The following SLC5A12 variants were observed in gnomAD, a reference collection of about 807,000 sequenced individuals.
SLC5A12 encodes the protein solute carrier family 5 member 12.
SLC5A12 carries 46 observed loss-of-function variants against 72.7 expected under a neutral mutation model. The ratio of observed to expected loss-of-function variants is 0.63; its 90% CI spans 0.50 to 0.81. The LOEUF is 0.81. Among genes scored for constraint, SLC5A12 ranks in the 30% least tolerant of loss-of-function variants. The pLI, the probability that SLC5A12 is intolerant of heterozygous loss-of-function variation, is 0.00. For missense variants in SLC5A12, 683 were observed against 740.7 expected (o/e 0.92, Z 0.90); for synonymous variants, 275 against 264.4 (o/e 1.04, Z -0.39).
At chr11:26,680,541 A>T (rs911548343) in intron 12 of SLC5A12, among the ~76,000 whole-genome samples, 1 of 151,396 alleles carries the variant, frequency 6.6e-6, no homozygotes, top group African/African-American at 2.4e-5. Flanking sequence ...AAAGTCCACA[A>T]TCGTCTCTCT....
intron 6 of SLC5A12, among the ~76,000 whole-genome samples, chr11:26,701,946 T>A (rs1481658034): frequency 6.6e-6 from 1 of 152,148 alleles, no homozygotes; most frequent in Non-Finnish European, 1.5e-5. Flanking sequence ...AAGACACATT[T>A]CCTAACTTTC....
intron 13 of SLC5A12, among the ~76,000 whole-genome samples, chr11:26,677,374 G>A (rs1854289804): frequency 6.6e-6 from 1 of 152,162 alleles, no homozygotes. Context: ...TAATTCTGGT[G>A]CACACATGGA....
chr11:26,688,178 A>C (rs1854582696), intron 9 of SLC5A12, among the ~76,000 whole-genome samples: 1 of 152,212 alleles, frequency 6.6e-6, no homozygotes, highest in Non-Finnish European at 1.5e-5. Context: ...GTTTAGGAGA[A>C]ATTTGTGGAA....
chr11:26,689,435 C>T (rs750702017), intron 9 of SLC5A12, among the ~76,000 whole-genome samples: 10 of 151,878 alleles, frequency 6.6e-5, no homozygotes, highest in Non-Finnish European at 1.5e-4. Flanking sequence ...TGGTGTGATC[C>T]CATTTATATA....
intron 1 of SLC5A12, among the ~76,000 whole-genome samples, chr11:26,719,509 T>C (rs1019308986): frequency 6.6e-6 from 1 of 152,146 alleles, no homozygotes; most frequent in Non-Finnish European, 1.5e-5. Context: ...CTGCTGTATA[T>C]AACTGGGCAC....
At chr11:26,705,395 G>A (rs190369994) in intron 4 of SLC5A12, among the ~76,000 whole-genome samples, 189 of 152,182 alleles carry the variant, frequency 1.2e-3, no homozygotes, top group African/African-American at 4.1e-3. Context: ...ATGAAATGAC[G>A]TGGTATTTTT....
chr11:26,685,627 A>AC (rs1854513093), intron 10 of SLC5A12, among the ~76,000 whole-genome samples: 2 of 148,028 alleles, frequency 1.4e-5, no homozygotes, highest in Admixed American at 6.6e-5. Flanking sequence ...AACAAACAAA[A>AC]AAACAAAAAA....
At chr11:26,681,292 A>ACGCC in intron 11 of SLC5A12, 71 bp from the exon 12 acceptor site, 2 of 1,230,280 alleles carry the variant, frequency 1.6e-6, no homozygotes, top group Non-Finnish European at 2.2e-6. Flanking sequence ...TGAGATGAGG[A>ACGCC]GTTCTATGCC....
Position 26,721,919 on chromosome 11 carries a change from A to G in SLC5A12, c.-205T>C. On this transcript the variant is annotated 5_prime_UTR_variant, in exon 1 of 15. Transcript: ENST00000396005. ...ATCTCAAAAGTTGACTTCAAAGAAG[A>G]ATCTGGTGGTGGTATTGGCACCAAG... 1 of 565,066 alleles carries G rather than the reference A, an allele frequency of 1.8e-6. No homozygotes were observed. Among genetic ancestry groups the G allele is most frequent in the Admixed American group, 3.3e-5 (1 of 30,116 alleles). The allele number at this position is 565,066 out of a possible 1,614,324, so 35.0% of individuals were successfully genotyped here. A position where few individuals can be genotyped will look rare whatever the true frequency, so the allele number is the denominator to read the frequency against.
At chr11:26,673,128 C>A (rs531159806) in intron 14 of SLC5A12, among the ~76,000 whole-genome samples, 12 of 152,244 alleles carry the variant, frequency 7.9e-5, no homozygotes, top group Non-Finnish European at 1.8e-4. Flanking sequence ...TTTATGTCTT[C>A]CTAGAATTCA....
rs1854054909 is a variant in SLC5A12, at chr11:26,668,657, G to C, written c.*2445C>G. On this transcript the variant is annotated 3_prime_UTR_variant, in exon 15 of 15. Transcript: ENST00000396005. ...GACAGTTTCCTGTAGATTCCCATCT[G>C]CTCTCTACCTGAAACCCTAGATTTA... The C allele has an allele frequency of 6.6e-6, 1 of 151,936 alleles. No individual in the cohort carries two copies. Among genetic ancestry groups the C allele is most frequent in the Non-Finnish European group, 1.5e-5 (1 of 67,958 alleles). 9.4% of individuals were successfully genotyped at this position (151,936 alleles called of 1,614,324 possible).
intron 1 of SLC5A12, among the ~76,000 whole-genome samples, chr11:26,715,033 T>A (rs915675342): frequency 6.0e-5 from 9 of 148,838 alleles, no homozygotes; most frequent in African/African-American, 2.2e-4. Flanking sequence ...AACACTGAAA[T>A]GTCTGTGGTG....
chr11:26,686,439 C>T, intron 10 of SLC5A12, 38 bp downstream of exon 10: 1 of 1,597,978 alleles, frequency 6.3e-7, no homozygotes, highest in Non-Finnish European at 8.6e-7. Flanking sequence ...GGGGGAAGTT[C>T]CAGTGAAACC....
In SLC5A12 at chr11:26,703,792, C is replaced by G. The variant is rs1368912080; in HGVS notation, c.680+1G>C. ...GTATGAAAAAGTTGCATTGGACATA[C>G]TCAAATATATGTAGTCGAGATCCAT... is the stretch of plus-strand genomic sequence containing the variant. On this transcript the variant is annotated splice_donor_variant, in intron 5 of 14. Transcript: ENST00000396005. LOFTEE classifies it high-confidence loss of function. 6.2e-7 allele frequency: 1 copy of G among 1,613,750 alleles called. No individual in the cohort carries two copies. The highest frequency in any genetic ancestry group is 8.5e-7 in the Non-Finnish European group (1 of 1,179,788).
Position 26,678,381 on chromosome 11 carries a change from G to GT in SLC5A12, c.1579+330dup, listed in dbSNP as rs1157223842. The stretch of plus-strand genomic sequence containing the variant: ...ATATATGTTTTTTTGTTTGGTTGGG[G>GT]TTTTTTTTGGTTTTTTGAGACGGAG... On this transcript the variant is annotated intron_variant, in intron 13 of 14. Transcript: ENST00000396005. 5.0e-4 allele frequency among the ~76,000 whole-genome samples: 76 copies of GT among 151,502 alleles called. 2 individuals carry two copies. Among genetic ancestry groups the GT allele is most frequent in the East Asian group, 5.8e-4 (3 of 5,136 alleles).
Position 26,667,319 on chromosome 11 carries a change from C to A in SLC5A12, c.*3783G>T, listed in dbSNP as rs530042714. 6.6e-6 allele frequency: 1 copy of A among 151,714 alleles called. No individual in the cohort carries two copies. Among genetic ancestry groups the A allele is most frequent in the Admixed American group, 6.6e-5 (1 of 15,202 alleles). The allele number at this position is 151,714 out of a possible 1,614,324, so 9.4% of individuals were successfully genotyped here. ...TAAGGGGAGACTCCTCTATTTTTTC[C>A]GTATCTGATCTTTGTAATAATGTTT... On this transcript the variant is annotated 3_prime_UTR_variant, in exon 15 of 15. Transcript: ENST00000396005.
At position 26,692,620 on chromosome 11, in the gene SLC5A12, G is replaced by A. The variant is rs2133171748; in HGVS notation, c.1041-19C>T. On this transcript the variant is annotated intron_variant, in intron 8 of 14. Coordinates refer to ENST00000396005, the MANE Select transcript of SLC5A12 (RefSeq NM_178498.4). Reference sequence around the variant, plus strand: ...CACGGTGCTATAAGGAAAGAAAAGTGAGAACATGGTCTAAGCTATATAAGG... The same window carrying A: ...CACGGTGCTATAAGGAAAGAAAAGTAAGAACATGGTCTAAGCTATATAAGG... 6.4e-7 allele frequency: 1 copy of A among 1,569,466 alleles called. No homozygotes were observed. The highest frequency in any genetic ancestry group is 8.8e-7 in the Non-Finnish European group (1 of 1,139,454).
intron 9 of SLC5A12, 24 bp from the exon 10 acceptor site, chr11:26,686,568 C>T: frequency 3.1e-6 from 5 of 1,608,830 alleles, no homozygotes; most frequent in South Asian, 1.1e-5. Context: ...AAATTACAAT[C>T]ATAATTTCCT....
intron 6 of SLC5A12, among the ~76,000 whole-genome samples, chr11:26,701,781 C>A (rs1854963311): frequency 6.6e-6 from 1 of 151,994 alleles, no homozygotes; most frequent in Admixed American, 6.6e-5. Context: ...CATACACACT[C>A]ACATATATAT....
Sources: allele counts gnomAD v4.1 joint callset (sites outside exome capture counted in the v4.1 genomes callset), GRCh38; gene constraint gnomAD v4.1.1; transcripts MANE v1.5; gene names NCBI Gene and HGNC (gene_info 2026-07-23, HGNC 2026-07-21).